Variants in AHCY observed in about 807,000 individuals in gnomAD.
The protein encoded by AHCY is S-adenosyl-L-homocysteine hydrolase.
AHCY carries 24 observed loss-of-function variants against 45.4 expected under a neutral mutation model. That is an observed-to-expected ratio of 0.53 (90% CI 0.38 to 0.74). The LOEUF is 0.74. Among genes scored for constraint, AHCY ranks in the 30% least tolerant of loss-of-function variants. The pLI, the probability that AHCY is intolerant of heterozygous loss-of-function variation, is 0.00. For missense variants in AHCY, 449 were observed against 594.1 expected, an observed-to-expected ratio of 0.76 and a Z score of 2.54; for synonymous variants, 245 against 235.1, an observed-to-expected ratio of 1.04 and a Z score of -0.39.
chr20:34,307,292 G>C (rs1241709704), upstream of AHCY, among the ~76,000 whole-genome samples: 1 of 152,048 alleles, frequency 6.6e-6, no homozygotes, highest in African/African-American at 2.4e-5. Context: ...CTTTCGCCAT[G>C]TTGGCCAGGC....
At chr20:34,291,359 A>G in intron 5 of AHCY, 60 bp downstream of exon 5, 3 of 1,479,694 alleles carry the variant, frequency 2.0e-6, no homozygotes, top group East Asian at 4.5e-5. Flanking sequence ...ACTCTTCTTC[A>G]GAGGCCTCGT....
chr20:34,295,937 C>T (rs2036565556), intron 1 of AHCY, among the ~76,000 whole-genome samples: 1 of 152,050 alleles, frequency 6.6e-6, no homozygotes, highest in Admixed American at 6.6e-5. Flanking sequence ...CTCCTCACTC[C>T]CTAAAGACTC....
At chr20:34,310,038 G>A (rs1261176188) in intron 1 of AHCY, among the ~76,000 whole-genome samples, 1 of 151,860 alleles carries the variant, frequency 6.6e-6, no homozygotes, top group African/African-American at 2.4e-5. Flanking sequence ...CTCCCTATGT[G>A]GCTTGGGGAA....
chr20:34,280,572 G>A lies in AHCY; in HGVS notation c.*462C>T, dbSNP rs2035967539. On this transcript the variant is annotated 3_prime_UTR_variant, in exon 10 of 10. Coordinates refer to ENST00000217426, the MANE Select transcript of AHCY (RefSeq NM_000687.4). ...GGCCCAGCACTAAGCCAGGCTCTCAGGAAAATTCAAACAACAGTTCCTCTT... is the reference window on the plus strand; with the variant it reads ...GGCCCAGCACTAAGCCAGGCTCTCAAGAAAATTCAAACAACAGTTCCTCTT... 1 of 244,824 alleles carries A rather than the reference G, an allele frequency of 4.1e-6. No homozygotes were observed. Among genetic ancestry groups the A allele is most frequent in the Non-Finnish European group, 8.1e-6 (1 of 123,458 alleles). 15.2% of individuals were successfully genotyped at this position (244,824 alleles called of 1,614,324 possible).
At chr20:34,301,851 C>T in intron 1 of AHCY, 7 of 985,446 alleles carry the variant, frequency 7.1e-6, no homozygotes, top group Non-Finnish European at 8.4e-6. Context: ...TGCAAGTCAC[C>T]TCCCAAGGGC....
At chr20:34,274,768 G>A in the AHCY span, among the ~76,000 whole-genome samples, 50 of 151,776 alleles carry the variant, frequency 3.3e-4, no homozygotes, top group African/African-American at 1.1e-3. Context: ...GCAACATGGC[G>A]AGCCCCCATC....
the AHCY span, among the ~76,000 whole-genome samples, chr20:34,256,863 C>T: frequency 1.3e-5 from 2 of 152,048 alleles, no homozygotes; most frequent in Non-Finnish European, 2.9e-5. Context: ...TCACTGTAGC[C>T]TCAACTTCCT....
chr20:34,246,340 A>G, the AHCY span: 209 of 1,541,912 alleles, frequency 1.4e-4, 3 homozygotes, highest in South Asian at 1.3e-3. Flanking sequence ...TTTCTACAGT[A>G]AATTTTGCAA....
At chr20:34,262,818 G>C in the AHCY span, 3 of 1,613,694 alleles carry the variant, frequency 1.9e-6, no homozygotes, top group Admixed American at 5.0e-5. Context: ...TGCTCCTTTT[G>C]TCTCTCTTTG....
At chr20:34,270,548 G>A in the AHCY span, among the ~76,000 whole-genome samples, 1 of 152,214 alleles carries the variant, frequency 6.6e-6, no homozygotes, top group Non-Finnish European at 1.5e-5. Flanking sequence ...CCAGGGGTGA[G>A]GCCAGGATGC....
the AHCY span, chr20:34,260,583 G>T: frequency 1.3e-6 from 2 of 1,534,612 alleles, no homozygotes; most frequent in South Asian, 1.2e-5. Flanking sequence ...GGCTGCAGGA[G>T]ATCAAGCATG....
At position 34,303,236 on chromosome 20, in the gene AHCY, G is replaced by A. The variant is rs201479827; in HGVS notation, c.28+7C>T. On this transcript the variant is annotated splice_region_variant and intron_variant, in intron 1 of 9. Transcript: ENST00000217426. The stretch of plus-strand genomic sequence containing the variant: ...GGCCGCAACCGGCTGCAGGTCCTGG[G>A]ACTCACCGACTTTGTAGGGCAGTTT... The A allele has an allele frequency of 5.4e-3, 8,344 of 1,551,488 alleles. 46 individuals are homozygous for A. The highest frequency in any genetic ancestry group is 6.1e-3 in the Non-Finnish European group (6,962 of 1,146,896).
At chr20:34,267,438 G>C in the AHCY span, among the ~76,000 whole-genome samples, 2 of 104,524 alleles carry the variant, frequency 1.9e-5, no homozygotes, top group Non-Finnish European at 3.4e-5. Flanking sequence ...TTGGGAGGGC[G>C]ACAAGAGTGA....
chr20:34,300,740 C>T (rs1330534091), intron 1 of AHCY, among the ~76,000 whole-genome samples: 1 of 152,208 alleles, frequency 6.6e-6, no homozygotes, highest in African/African-American at 2.4e-5. Flanking sequence ...GGCCAGCATT[C>T]AGAGACCAGA....
intron 8 of AHCY, among the ~76,000 whole-genome samples, chr20:34,287,533 C>T (rs891520320): frequency 2.0e-5 from 3 of 151,726 alleles, no homozygotes; most frequent in Non-Finnish European, 2.9e-5. Context: ...TGGGACTATA[C>T]GCATGAGCCA....
At chr20:34,291,313 G>T in intron 5 of AHCY, 106 bp downstream of exon 5, 1 of 1,084,908 alleles carries the variant, frequency 9.2e-7, no homozygotes, top group Non-Finnish European at 1.4e-6. Flanking sequence ...CCCCTCAAAT[G>T]AGGGCTTCAT....
intron 8 of AHCY, among the ~76,000 whole-genome samples, chr20:34,286,651 T>C (rs1043329944): frequency 4.6e-5 from 7 of 151,784 alleles, no homozygotes; most frequent in South Asian, 4.2e-4. Flanking sequence ...CTGAACAACA[T>C]GGAGAAACCC....
chr20:34,276,299 T>C (rs578196211), downstream of AHCY, among the ~76,000 whole-genome samples: 59 of 152,262 alleles, frequency 3.9e-4, no homozygotes, highest in Non-Finnish European at 7.4e-4. Context: ...TTCTGAGGTT[T>C]GCTCAAGTCT....
At chr20:34,267,829 T>G in the AHCY span, among the ~76,000 whole-genome samples, 35 of 144,698 alleles carry the variant, frequency 2.4e-4, no homozygotes, top group East Asian at 6.1e-3. Context: ...CCACACCCAG[T>G]TGATAACCAT....
Sources: allele counts gnomAD v4.1 joint callset (sites outside exome capture counted in the v4.1 genomes callset), GRCh38; gene constraint gnomAD v4.1.1; transcripts MANE v1.5; gene names NCBI Gene and HGNC (gene_info 2026-07-23, HGNC 2026-07-21).